COL14A1: variants seen among roughly 807,000 people sequenced by gnomAD.
COL14A1 encodes the protein collagen type XIV alpha 1 chain, also known as collagen alpha-1(XIV) chain.
In COL14A1, 136 loss-of-function variants were observed where a neutral mutation model predicts 230.3. That is an observed-to-expected ratio of 0.59 (90% CI 0.51 to 0.68). The LOEUF is 0.68. COL14A1 is among the 30% of genes least tolerant of loss of function. COL14A1 has a pLI of 0.00. For missense variants in COL14A1, 1,976 were observed against 2,215.8 expected (o/e 0.89, Z 2.17); for synonymous variants, 792 against 784.1 (o/e 1.01, Z -0.17).
intron 47 of COL14A1, chr8:120,370,292 T>A: frequency 1.3e-6 from 2 of 1,589,248 alleles, no homozygotes; most frequent in Non-Finnish European, 8.6e-7. Context: ...TCTCTGTTCA[T>A]CTTTTCCCTC....
chr8:120,269,186 A>G (rs1819585457), intron 25 of COL14A1, among the ~76,000 whole-genome samples: 1 of 151,824 alleles, frequency 6.6e-6, no homozygotes, highest in African/African-American at 2.4e-5. Flanking sequence ...CAGACTATTG[A>G]AGAGCAAATT....
At chr8:120,284,475 A>C (rs1820135559) in intron 32 of COL14A1, among the ~76,000 whole-genome samples, 1 of 152,194 alleles carries the variant, frequency 6.6e-6, no homozygotes, top group Admixed American at 6.5e-5. Context: ...AATATCACTG[A>C]ATTTTCTATA....
chr8:120,175,181 A>G (rs534792929), intron 5 of COL14A1, among the ~76,000 whole-genome samples: 2 of 152,356 alleles, frequency 1.3e-5, no homozygotes, highest in African/African-American at 4.8e-5. Flanking sequence ...AATCTACTGT[A>G]CATGTTTCTT....
chr8:120,199,088 C>T (rs1044288237), intron 7 of COL14A1, among the ~76,000 whole-genome samples: 5 of 152,172 alleles, frequency 3.3e-5, no homozygotes, highest in Admixed American at 6.6e-5. Context: ...ATTCTTGCTT[C>T]ATCCTGAATT....
chr8:120,272,468 C>T (rs2129837571), intron 26 of COL14A1, among the ~76,000 whole-genome samples: 1 of 151,702 alleles, frequency 6.6e-6, no homozygotes, highest in South Asian at 2.1e-4. Flanking sequence ...ATGTAAATAG[C>T]CTAAGTGCTC....
chr8:120,351,994 A>G (rs1413152277), intron 45 of COL14A1, among the ~76,000 whole-genome samples: 1 of 88,544 alleles, frequency 1.1e-5, no homozygotes, highest in Non-Finnish European at 2.1e-5. Context: ...CCTCAATAAA[A>G]TACTGGCAAA....
intron 5 of COL14A1, among the ~76,000 whole-genome samples, chr8:120,194,423 C>A (rs921060545): frequency 1.3e-5 from 2 of 152,028 alleles, no homozygotes; most frequent in African/African-American, 4.8e-5. Flanking sequence ...AAATCTAAGA[C>A]CTTGACCATA....
intron 19 of COL14A1, among the ~76,000 whole-genome samples, chr8:120,241,799 C>T (rs1818616920): frequency 6.6e-6 from 1 of 152,040 alleles, no homozygotes; most frequent in East Asian, 1.9e-4. Flanking sequence ...TTCGGTATGG[C>T]TCTTTTACTC....
chr8:120,239,536 A>C (rs1225100251), intron 19 of COL14A1, among the ~76,000 whole-genome samples: 1 of 152,208 alleles, frequency 6.6e-6, no homozygotes, highest in Non-Finnish European at 1.5e-5. Flanking sequence ...AGCCACACCT[A>C]CTGTGAATAG....
intron 11 of COL14A1, 65 bp downstream of exon 11, chr8:120,208,426 T>C (rs925777017): frequency 6.5e-7 from 1 of 1,531,314 alleles, no homozygotes; most frequent in Admixed American, 1.8e-5. Flanking sequence ...CTTTCTTAAA[T>C]TGAAATTCTG....
intron 47 of COL14A1, 35 bp from the exon 48 acceptor site, chr8:120,371,117 T>A: frequency 6.5e-7 from 1 of 1,527,298 alleles, no homozygotes; most frequent in Non-Finnish European, 8.9e-7. Flanking sequence ...GATTCCTGGG[T>A]GCAGCAAGTC....
intron 6 of COL14A1, 103 bp downstream of exon 6, chr8:120,197,049 T>C: frequency 9.0e-7 from 1 of 1,114,818 alleles, no homozygotes; most frequent in Non-Finnish European, 1.3e-6. Flanking sequence ...ACTTTCAGGA[T>C]TGCAGGATAC....
chr8:120,337,537 G>A (rs145987034), intron 42 of COL14A1, among the ~76,000 whole-genome samples: 77 of 152,280 alleles, frequency 5.1e-4, no homozygotes, highest in African/African-American at 1.7e-3. Flanking sequence ...GACGTTTCAA[G>A]CCAGCCTAAG....
intron 5 of COL14A1, among the ~76,000 whole-genome samples, chr8:120,178,590 C>T (rs1177634012): frequency 6.6e-6 from 1 of 152,002 alleles, no homozygotes; most frequent in Non-Finnish European, 1.5e-5. Context: ...GGGTATATAC[C>T]CAGTAGTAGG....
chr8:120,311,289 C>T (rs1418479044), intron 37 of COL14A1, among the ~76,000 whole-genome samples: 1 of 152,148 alleles, frequency 6.6e-6, no homozygotes, highest in Non-Finnish European at 1.5e-5. Context: ...TCCTCAGTTT[C>T]ACCCAAAGGC....
rs796590411 is a variant in COL14A1 at position 120,215,436 on chromosome 8, A to AAAAAG, written c.1598-898_1598-894dup. On this transcript the variant is annotated intron_variant, in intron 13 of 47. Coordinates refer to ENST00000297848, the MANE Select transcript of COL14A1 (RefSeq NM_021110.4). ...GGTAGGAAGGAAGGAAGGGAGGGGA[A>AAAAAG]AAAAGAAAAGAAAAGAAAAGATCAT... Among the ~76,000 whole-genome samples the AAAAAG allele has an allele frequency of 2.3e-4, 35 of 152,070 alleles. No homozygotes were observed. In the East Asian group the frequency reaches 2.7e-3, roughly 12 times the overall value.
At chr8:120,193,409 T>G (rs1200892062) in intron 5 of COL14A1, among the ~76,000 whole-genome samples, 1 of 152,120 alleles carries the variant, frequency 6.6e-6, no homozygotes, top group African/African-American at 2.4e-5. Flanking sequence ...CTCTGGAAGT[T>G]TTGTCTCAGA....
intron 13 of COL14A1, among the ~76,000 whole-genome samples, chr8:120,213,040 C>G (rs897185721): frequency 2.2e-4 from 33 of 152,168 alleles, no homozygotes; most frequent in African/African-American, 4.8e-5. Context: ...CACATAGTTA[C>G]TGAATATCTG....
chr8:120,367,277 C>G, intron 46 of COL14A1, 29 bp downstream of exon 46: 2 of 1,545,876 alleles, frequency 1.3e-6, no homozygotes, highest in East Asian at 4.5e-5. Flanking sequence ...CAAGAGACTG[C>G]AAATGTATAT....
Sources: gnomAD v4.1 joint callset for allele counts (sites outside exome capture counted in the v4.1 genomes callset) on GRCh38, gnomAD v4.1.1 for gene constraint, MANE v1.5 for transcripts, NCBI Gene and HGNC (gene_info 2026-07-23, HGNC 2026-07-21) for gene names.